Variants in ADGRB3 observed in about 807,000 individuals in gnomAD.
ADGRB3 encodes the protein brain-specific angiogenesis inhibitor 3.
A neutral mutation model predicts 193.4 loss-of-function variants in ADGRB3; 37 were observed. The ratio of observed to expected loss-of-function variants is 0.19; its 90% CI spans 0.15 to 0.25. ADGRB3 has a LOEUF of 0.25. ADGRB3 is among the 10% of genes least tolerant of loss of function. The probability of loss-of-function intolerance (pLI) is 1.00; values close to 1 mark genes in which losing one functional copy is unlikely to be tolerated. For missense variants in ADGRB3, 1,637 were observed against 1,852.9 expected, an observed-to-expected ratio of 0.88 and a Z score of 2.14; for synonymous variants, 690 against 644.2, an observed-to-expected ratio of 1.07 and a Z score of -1.08.
At chr6:69,241,171 T>C (rs1269605205) in intron 20 of ADGRB3, among the ~76,000 whole-genome samples, 1 of 151,900 alleles carries the variant, frequency 6.6e-6, no homozygotes, top group Non-Finnish European at 1.5e-5. Context: ...ATCATAGTGG[T>C]TATGCTCTAA....
intron 15 of ADGRB3, among the ~76,000 whole-genome samples, chr6:69,058,666 T>TATTTTCCAATATTTCTTGTG (rs1771621497): frequency 6.6e-6 from 1 of 152,134 alleles, no homozygotes; most frequent in Admixed American, 6.5e-5. Context: ...TGTCTCATGA[T>TATTTTCCAATATTTCTTGTG]ATTTTCCAAT....
At chr6:69,087,353 T>C (rs1213136198) in intron 17 of ADGRB3, among the ~76,000 whole-genome samples, 2 of 152,176 alleles carry the variant, frequency 1.3e-5, no homozygotes, top group Non-Finnish European at 2.9e-5. Flanking sequence ...CATACTGAAC[T>C]GATGTTAGTG....
intron 31 of ADGRB3, among the ~76,000 whole-genome samples, chr6:69,384,115 A>G (rs969726204): frequency 6.6e-6 from 1 of 152,004 alleles, no homozygotes; most frequent in Non-Finnish European, 1.5e-5. Context: ...GTGATAAGTT[A>G]TCATGGCTTC....
chr6:69,020,041 C>T (rs555253161), intron 13 of ADGRB3, among the ~76,000 whole-genome samples: 3 of 151,948 alleles, frequency 2.0e-5, no homozygotes, highest in Non-Finnish European at 2.9e-5. Context: ...TCACCCAAGC[C>T]GGAACCACTT....
intron 3 of ADGRB3, among the ~76,000 whole-genome samples, chr6:68,867,405 G>T (rs1335927816): frequency 6.6e-6 from 1 of 152,212 alleles, no homozygotes; most frequent in African/African-American, 2.4e-5. Context: ...AGATTTCAGA[G>T]GATGTATGGA....
rs1767490193 is a variant in ADGRB3, at chr6:68,936,524, T to C, written c.874T>C (p.Ser292Pro). 2 of 1,613,646 alleles carry C rather than the reference T, an allele frequency of 1.2e-6. No individual in the cohort carries two copies. The highest frequency in any genetic ancestry group is 2.7e-5 in the African/African-American group (2 of 74,914). Reference protein sequence around the residue: ...AAKFMAQTGESGVEEWSQWST... With the variant: ...AAKFMAQTGEPGVEEWSQWST... ...ATTTGTTGTCTTGCACGCAGGTGAA[T>C]CTGGTGTGGAAGAGTGGTCCCAGTG... Residue 292 changes from serine (S) to proline (P), a missense_variant, in exon 5 of 32, where the codon TCT becomes CCT. Ser to Pro is a moderately conservative substitution (Grantham distance 74, BLOSUM62 -1). Coordinates refer to ENST00000370598, the MANE Select transcript of ADGRB3 (RefSeq NM_001704.3).
intron 3 of ADGRB3, among the ~76,000 whole-genome samples, chr6:68,893,249 A>G (rs1190027840): frequency 6.6e-6 from 1 of 152,110 alleles, no homozygotes; most frequent in Non-Finnish European, 1.5e-5. Flanking sequence ...TTATTTTCAT[A>G]GAGTTTGTGA....
At chr6:69,183,638 C>A (rs1321391032) in intron 17 of ADGRB3, among the ~76,000 whole-genome samples, 1 of 151,958 alleles carries the variant, frequency 6.6e-6, no homozygotes, top group East Asian at 1.9e-4. Context: ...TTTGAATCTT[C>A]AGTGAAGAAC....
intron 3 of ADGRB3, among the ~76,000 whole-genome samples, chr6:68,740,961 A>G (rs1765969632): frequency 6.6e-6 from 1 of 152,184 alleles, no homozygotes. Context: ...TCTGAAGTGC[A>G]TGCATACAGT....
At chr6:68,886,656 A>G (rs1265283664) in intron 3 of ADGRB3, among the ~76,000 whole-genome samples, 2 of 152,096 alleles carry the variant, frequency 1.3e-5, no homozygotes, top group East Asian at 3.8e-4. Context: ...CAGATTCAGA[A>G]AACTAAAGAG....
chr6:69,033,558 G>T (rs1160671569), intron 13 of ADGRB3, among the ~76,000 whole-genome samples: 9 of 152,112 alleles, frequency 5.9e-5, no homozygotes, highest in Middle Eastern at 3.4e-3. Context: ...CATATGAACA[G>T]CTTTAACTTT....
chr6:68,859,318 A>G (rs1765083150), intron 3 of ADGRB3, among the ~76,000 whole-genome samples: 1 of 152,172 alleles, frequency 6.6e-6, no homozygotes, highest in Admixed American at 6.5e-5. Context: ...AAACTTTCCC[A>G]CATCTTCCTG....
intron 17 of ADGRB3, among the ~76,000 whole-genome samples, chr6:69,187,366 T>C (rs772404238): frequency 6.6e-6 from 1 of 152,178 alleles, no homozygotes; most frequent in Non-Finnish European, 1.5e-5. Flanking sequence ...CAACTGCTAT[T>C]GTTCGTATAA....
intron 17 of ADGRB3, among the ~76,000 whole-genome samples, chr6:69,092,293 G>T (rs1318357461): frequency 6.6e-6 from 1 of 151,990 alleles, no homozygotes; most frequent in Non-Finnish European, 1.5e-5. Context: ...CATTTCCATT[G>T]TCTATTTTGG....
chr6:68,883,386 G>T (rs1765789337), intron 3 of ADGRB3, among the ~76,000 whole-genome samples: 1 of 152,184 alleles, frequency 6.6e-6, no homozygotes, highest in African/African-American at 2.4e-5. Context: ...GGGAATAAAA[G>T]CAGGCTGCAG....
At chr6:69,025,882 G>A (rs1408945785) in intron 13 of ADGRB3, among the ~76,000 whole-genome samples, 1 of 152,136 alleles carries the variant, frequency 6.6e-6, no homozygotes, top group African/African-American at 2.4e-5. Context: ...GCACTGGGGA[G>A]GGTGACATTG....
At chr6:69,315,951 T>C (rs1768301019) in intron 20 of ADGRB3, among the ~76,000 whole-genome samples, 2 of 151,426 alleles carry the variant, frequency 1.3e-5, no homozygotes, top group South Asian at 2.1e-4. Context: ...TTCTAAATAG[T>C]ATACTGAAGT....
At chr6:69,302,779 C>T (rs1038215022) in intron 20 of ADGRB3, among the ~76,000 whole-genome samples, 2 of 151,904 alleles carry the variant, frequency 1.3e-5, no homozygotes, top group East Asian at 3.9e-4. Flanking sequence ...CCTTGAAAAC[C>T]ATTAAGCTCT....
chr6:69,371,241 T>C lies in ADGRB3; in HGVS notation c.4240-1165T>C, dbSNP rs533855806. Reference sequence around the variant, plus strand: ...TGAAACGTGGTTTGGGGATTAGGTATACAGTGAGGTTCTGATTCTGTAATG... The same window carrying C: ...TGAAACGTGGTTTGGGGATTAGGTACACAGTGAGGTTCTGATTCTGTAATG... On this transcript the variant is annotated intron_variant, in intron 29 of 31. Coordinates refer to ENST00000370598, the MANE Select transcript of ADGRB3 (RefSeq NM_001704.3). Among the ~76,000 whole-genome samples, 6 of 152,238 alleles carry C rather than the reference T, an allele frequency of 3.9e-5. No homozygotes were observed. The South Asian group carries it at 1.0e-3, about 26-fold the overall frequency.
Sources: allele counts gnomAD v4.1 joint callset (sites outside exome capture counted in the v4.1 genomes callset), GRCh38; gene constraint gnomAD v4.1.1; transcripts MANE v1.5; gene names NCBI Gene and HGNC (gene_info 2026-07-23, HGNC 2026-07-21).